The following TEF variants were observed in gnomAD, a reference collection of about 807,000 sequenced individuals.
The protein encoded by TEF is thyrotroph embryonic factor.
A neutral mutation model predicts 20.8 loss-of-function variants in TEF; 3 were observed. The observed-to-expected ratio is 0.14, with a 90% CI of 0.07 to 0.37. TEF has a LOEUF of 0.37. Among genes scored for constraint, TEF ranks in the 10% least tolerant of loss-of-function variants. The pLI is 1.00. For missense variants in TEF, 296 were observed against 397.9 expected (o/e 0.74, Z 2.18); for synonymous variants, 180 against 171.1 (o/e 1.05, Z -0.41).
At chr22:41,386,292 T>G (rs2037096418) in intron 1 of TEF, among the ~76,000 whole-genome samples, 1 of 151,708 alleles carries the variant, frequency 6.6e-6, no homozygotes, top group Non-Finnish European at 1.5e-5. Flanking sequence ...ACAAAAAAAA[T>G]TAATCAGGCG....
chr22:41,382,201 G>T lies in TEF; in HGVS notation c.157G>T (p.Asp53Tyr), dbSNP rs760704484. 2.2e-5 allele frequency: 27 copies of T among 1,232,716 alleles called. No individual in the cohort carries two copies. The highest frequency in any genetic ancestry group is 4.2e-5 in the Admixed American group (1 of 24,026). 76.4% of individuals were successfully genotyped at this position (1,232,716 alleles called of 1,614,324 possible). The change falls in exon 1 of 4, where the codon GAT becomes TAT. Residue 53 changes from aspartate (D) to tyrosine (Y), a missense_variant and splice_region_variant. Asp to Tyr is a radical substitution (Grantham distance 160). Transcript: ENST00000266304. ...MENPPREARL[D>Y]KEKGKEKLEE... is the part of the protein sequence containing the mutation. The stretch of plus-strand genomic sequence containing the variant: ...GAACCCCCCGCGCGAGGCGCGCCTC[G>T]GTGAGGGCGGGGGGGTGGTCCGCGC...
rs769460139 is a variant in TEF at position 41,395,980 on chromosome 22, C to T, written c.*20C>T. The T allele has an allele frequency of 6.2e-7, 1 of 1,601,950 alleles. No homozygotes were observed. The highest frequency in any genetic ancestry group is 8.5e-7 in the Non-Finnish European group (1 of 1,170,736). ...TTGTAACCCGTGCCCCCCGCCCGGG[C>T]GGGGTACTGCCTGCACCTCAGACCT... On this transcript the variant is annotated 3_prime_UTR_variant, in exon 4 of 4. Coordinates refer to ENST00000266304, the MANE Select transcript of TEF (RefSeq NM_003216.4).
At chr22:41,379,941 A>G (rs1465241953), upstream of TEF, among the ~76,000 whole-genome samples, 1 of 151,268 alleles carries the variant, frequency 6.6e-6, no homozygotes, top group South Asian at 2.1e-4. Context: ...GAAAATAAAA[A>G]GAAAAGGAGG....
intron 1 of TEF, among the ~76,000 whole-genome samples, chr22:41,383,520 A>G (rs2037060665): frequency 6.6e-6 from 1 of 152,166 alleles, no homozygotes; most frequent in Admixed American, 6.5e-5. Flanking sequence ...TAACAGTCCT[A>G]GAGGGTATTC....
intron 1 of TEF, among the ~76,000 whole-genome samples, chr22:41,386,586 C>CA (rs1378299782): frequency 6.6e-6 from 1 of 151,588 alleles, no homozygotes; most frequent in African/African-American, 2.4e-5. Context: ...ACTAAAAATA[C>CA]AAAAAATTAG....
At chr22:41,381,785 C>A, upstream of TEF, 2 of 934,532 alleles carry the variant, frequency 2.1e-6, no homozygotes, top group Non-Finnish European at 2.8e-6. Flanking sequence ...CGACCAATCA[C>A]GGCCCGAGGA....
chr22:41,387,224 C>T (rs2037108554), intron 1 of TEF, 127 bp from the exon 2 acceptor site: 1 of 1,046,120 alleles, frequency 9.6e-7, no homozygotes, highest in African/African-American at 1.6e-5. Flanking sequence ...AGAGTAGGTT[C>T]TTGAAATGCA....
In TEF at chr22:41,372,614, C is replaced by T. The variant is rs376421734; in HGVS notation, c.67+5015C>T. 2.6e-5 allele frequency among the ~76,000 whole-genome samples: 4 copies of T among 152,134 alleles called. No homozygotes were observed. The East Asian group carries it at 7.7e-4, about 29-fold the overall frequency. On this transcript the variant is annotated intron_variant, in intron 1 of 3. Transcript: ENST00000406644. ...GTGGGTACCCATGTGGGTACCATGTCTCGGGTCGTAGCTCTTCGTCACCCA... is the reference window on the plus strand; with the variant it reads ...GTGGGTACCCATGTGGGTACCATGTTTCGGGTCGTAGCTCTTCGTCACCCA...
chr22:41,396,376 G>A lies in TEF; in HGVS notation c.*416G>A, dbSNP rs915828589. On this transcript the variant is annotated 3_prime_UTR_variant, in exon 4 of 4. Transcript: ENST00000266304. ...ATCATTGTCACCCTATGTCTTCTCA[G>A]GTAGCAGGGCGCGTTTCCACTTAAG... 4 of 179,108 alleles carry A rather than the reference G, an allele frequency of 2.2e-5. No homozygotes were observed. Among genetic ancestry groups the A allele is most frequent in the Admixed American group, 1.1e-4 (2 of 18,152 alleles). 11.1% of individuals were successfully genotyped at this position (179,108 alleles called of 1,614,324 possible).
At chr22:41,372,652 G>A (rs912454542) in intron 1 of TEF, among the ~76,000 whole-genome samples, 1 of 152,198 alleles carries the variant, frequency 6.6e-6, no homozygotes, top group South Asian at 2.1e-4. Flanking sequence ...CACTCATCAC[G>A]TGCTTCCAGA....
upstream of TEF, among the ~76,000 whole-genome samples, chr22:41,381,153 C>G (rs1207593646): frequency 6.6e-6 from 1 of 152,268 alleles, no homozygotes; most frequent in Non-Finnish European, 1.5e-5. Flanking sequence ...CCTGCTCAGG[C>G]CATCCCTACG....
intron 1 of TEF, among the ~76,000 whole-genome samples, chr22:41,368,114 G>A (rs905206085): frequency 1.3e-5 from 2 of 152,122 alleles, no homozygotes; most frequent in African/African-American, 4.8e-5. Flanking sequence ...GAAGCCCTGC[G>A]TTCCTAGGAT....
At chr22:41,382,691 C>T (rs553668491) in intron 1 of TEF, among the ~76,000 whole-genome samples, 1 of 152,192 alleles carries the variant, frequency 6.6e-6, no homozygotes, top group East Asian at 1.9e-4. Context: ...TTACCCCTCC[C>T]GGAGGGACCT....
At chr22:41,367,525 C>T in exon 1 of TEF, 1 of 1,550,696 alleles carries the variant, frequency 6.4e-7, no homozygotes, top group Non-Finnish European at 8.7e-7. Context: ...TTCTCAGTGG[C>T]CCCTGCCATG....
chr22:41,375,654 G>A (rs948767364), intron 1 of TEF, among the ~76,000 whole-genome samples: 8 of 151,040 alleles, frequency 5.3e-5, no homozygotes. Flanking sequence ...AACCCAGGAG[G>A]CAGACCTTGC....
rs1002061542 is a variant in TEF, at chr22:41,398,390, G to A, written c.*2430G>A. On this transcript the variant is annotated 3_prime_UTR_variant, in exon 4 of 4. Coordinates refer to ENST00000266304, the MANE Select transcript of TEF (RefSeq NM_003216.4). ...CTTTGACATCTGTCAGTCACTGGAG[G>A]CTAGAGAAGTTGACTTTACCTTGGC... 1 of 153,728 alleles carries A rather than the reference G, an allele frequency of 6.5e-6. No homozygotes were observed. Among genetic ancestry groups the A allele is most frequent in the Non-Finnish European group, 1.5e-5 (1 of 68,064 alleles). 9.5% of individuals were successfully genotyped at this position (153,728 alleles called of 1,614,324 possible).
chr22:41,383,017 T>C (rs1288647762), intron 1 of TEF: 1 of 470,658 alleles, frequency 2.1e-6, no homozygotes, highest in East Asian at 7.0e-5. Flanking sequence ...CCCTGGGAGA[T>C]GGGGTGCAGG....
chr22:41,396,799 CTCTT>C lies in TEF; in HGVS notation c.*846_*849del. ...CCACTAGACCAGGCCTCTGGGCCTG[CTCTT>C]TCTTTCCACCCAATGTCCAGTCTTG... On this transcript the variant is annotated 3_prime_UTR_variant, in exon 4 of 4. Coordinates refer to ENST00000266304, the MANE Select transcript of TEF (RefSeq NM_003216.4). 2.5e-6 allele frequency: 1 copy of C among 396,868 alleles called. No individual in the cohort carries two copies. Among genetic ancestry groups the C allele is most frequent in the Non-Finnish European group, 4.4e-6 (1 of 225,536 alleles). The allele number at this position is 396,868 out of a possible 1,614,324, so 24.6% of individuals were successfully genotyped here.
At chr22:41,390,980 G>A (rs535680430) in intron 2 of TEF, among the ~76,000 whole-genome samples, 10 of 152,154 alleles carry the variant, frequency 6.6e-5, no homozygotes, top group East Asian at 3.9e-4. Flanking sequence ...CAGGCATGGC[G>A]TCACTTTGAA....
Sources: allele counts gnomAD v4.1 joint callset (sites outside exome capture counted in the v4.1 genomes callset), GRCh38; gene constraint gnomAD v4.1.1; transcripts MANE v1.5; gene names NCBI Gene and HGNC (gene_info 2026-07-23, HGNC 2026-07-21).